Variants in CDH23 observed in about 807,000 individuals in gnomAD.
CDH23 encodes cadherin related 23.
Under a neutral mutation model 317.1 loss-of-function variants are expected in CDH23, and 189 were observed. The ratio of observed to expected loss-of-function variants is 0.60; its 90% confidence interval spans 0.53 to 0.67. CDH23 has a LOEUF of 0.67. Among genes scored for constraint, CDH23 ranks in the 30% least tolerant of loss-of-function variants. The probability of loss-of-function intolerance (pLI) is 0.00; values close to 1 mark genes in which losing one functional copy is unlikely to be tolerated. For synonymous variants in CDH23, 1,839 were observed against 1,876.8 expected, an observed-to-expected ratio of 0.98 and a Z score of 0.52; for missense variants, 4,401 against 4,592.4, an observed-to-expected ratio of 0.96 and a Z score of 1.20.
In CDH23 at chr10:71,789,060, C is replaced by A; in HGVS notation, c.5923+18C>A. ...TCCCGCTGGTAGGTGCTGGGCCCAC[C>A]CGGGAGCTCCTGCTGTTGCCAGGCA... On this transcript the variant is annotated intron_variant, in intron 45 of 69. Coordinates refer to ENST00000224721, the MANE Select transcript of CDH23 (RefSeq NM_022124.6). 2.4e-6 allele frequency: 3 copies of A among 1,242,924 alleles called. No individual in the cohort carries two copies. The highest frequency in any genetic ancestry group is 3.6e-6 in the Non-Finnish European group (3 of 842,142). The allele number at this position is 1,242,924 out of a possible 1,614,324, so 77.0% of individuals were successfully genotyped here.
chr10:71,741,751 A>G lies in CDH23; in HGVS notation c.4675A>G (p.Ile1559Val). The G allele has an allele frequency of 6.2e-7, 1 of 1,612,740 alleles. No individual in the cohort carries two copies. Among genetic ancestry groups the G allele is most frequent in the Admixed American group, 1.7e-5 (1 of 59,828 alleles). ...GAGAGCCACTGACCGTGACATCGGG[A>G]TCAACAGTGTTCTGTCCTACTACAT... ...QVRATDRDIG[I>V]NSVLSYYITE... Residue 1559 changes from isoleucine to valine, a missense_variant, in exon 38 of 70, where the codon ATC (isoleucine) becomes GTC (valine). Physicochemically the swap from Ile to Val is conservative, Grantham distance 29 (BLOSUM62 3). Transcript: ENST00000224721.
intron 28 of CDH23, among the ~76,000 whole-genome samples, chr10:71,720,472 C>A (rs1866506395): frequency 6.6e-6 from 1 of 152,024 alleles, no homozygotes; most frequent in Non-Finnish European, 1.5e-5. Context: ...AGCCTTCTTT[C>A]TCCCCAGAAG....
chr10:71,740,237 T>C (rs915770876), intron 36 of CDH23, among the ~76,000 whole-genome samples: 1 of 152,244 alleles, frequency 6.6e-6, no homozygotes, highest in African/African-American at 2.4e-5. Flanking sequence ...AGAATGGCCA[T>C]GGCTGGGATG....
intron 28 of CDH23, among the ~76,000 whole-genome samples, chr10:71,723,789 C>G (rs1866677521): frequency 6.6e-6 from 1 of 152,164 alleles, no homozygotes. Context: ...CCCAGCCTCC[C>G]TGCGAACCTG....
chr10:71,638,208 C>T (rs1358688603), intron 11 of CDH23, among the ~76,000 whole-genome samples: 1 of 152,188 alleles, frequency 6.6e-6, no homozygotes, highest in Admixed American at 6.5e-5. Flanking sequence ...TGTCTAAAGT[C>T]ACACAGCTAG....
chr10:71,702,780 G>A, intron 24 of CDH23, 86 bp downstream of exon 24: 1 of 1,496,754 alleles, frequency 6.7e-7, no homozygotes, highest in Non-Finnish European at 9.2e-7. Flanking sequence ...AACTTTGCAG[G>A]GCTGGGGCAG....
intron 24 of CDH23, among the ~76,000 whole-genome samples, chr10:71,703,876 C>T (rs1003961332): frequency 1.3e-5 from 2 of 152,184 alleles, no homozygotes; most frequent in Non-Finnish European, 2.9e-5. Flanking sequence ...TCACAACCAG[C>T]GAAGAAAGAT....
intron 3 of CDH23, among the ~76,000 whole-genome samples, chr10:71,461,310 C>A (rs986154861): frequency 6.6e-6 from 1 of 152,188 alleles, no homozygotes; most frequent in Non-Finnish European, 1.5e-5. Flanking sequence ...CCCTCGGAGT[C>A]CCCTGGGGAC....
intron 38 of CDH23, among the ~76,000 whole-genome samples, chr10:71,744,579 CT>C (rs1013800815): frequency 6.6e-6 from 1 of 152,234 alleles, no homozygotes; most frequent in African/African-American, 2.4e-5. Flanking sequence ...CATCCCACCC[CT>C]TGGGGAGCAT....
At chr10:71,530,913 C>T (rs1198997625) in intron 6 of CDH23, among the ~76,000 whole-genome samples, 2 of 152,198 alleles carry the variant, frequency 1.3e-5, no homozygotes, top group African/African-American at 2.4e-5. Context: ...TGTGACTGCC[C>T]TGGGTTACAC....
intron 9 of CDH23, among the ~76,000 whole-genome samples, chr10:71,592,707 G>T (rs184138214): frequency 2.6e-5 from 4 of 152,206 alleles, no homozygotes; most frequent in Admixed American, 1.3e-4. Flanking sequence ...AACTACATCT[G>T]CAAAGTCCCC....
chr10:71,425,475 A>T (rs1433789733), intron 1 of CDH23, among the ~76,000 whole-genome samples: 1 of 151,974 alleles, frequency 6.6e-6, no homozygotes. Flanking sequence ...ATTAGATCAC[A>T]TGGGAGGGAG....
chr10:71,650,613 C>T lies in CDH23; in HGVS notation c.1449+3996C>T, dbSNP rs189152047. Among the ~76,000 whole-genome samples, 502 of 152,272 alleles carry T rather than the reference C, an allele frequency of 3.3e-3. 5 individuals are homozygous for T. In the South Asian group the frequency reaches 0.034, roughly 10 times the overall value. ...ACGACTACATGCATTTGGGGATGTG[C>T]GTACACTATATGCACAAGTCTCATG... On this transcript the variant is annotated intron_variant, in intron 14 of 69. Transcript: ENST00000224721.
At chr10:71,678,340 C>T (rs1202045396) in intron 16 of CDH23, among the ~76,000 whole-genome samples, 7 of 152,138 alleles carry the variant, frequency 4.6e-5, no homozygotes, top group Admixed American at 1.3e-4. Flanking sequence ...GGCTTGCCCA[C>T]GAAGACATAG....
In CDH23 at chr10:71,807,957, T is replaced by G. The variant is rs1174493289; in HGVS notation, c.8672T>G (p.Phe2891Cys). ...VFYSILAIHY[F>C]RALANDSEDV... ...TACAGCATTCTGGCCATCCACTACT[T>G]CCGGGCCCTTGCCAACGACTCTGAA... The change falls in exon 60 of 70, where the codon TTC (phenylalanine) becomes TGC (cysteine). Residue 2891 changes from phenylalanine (F) to cysteine (C), a missense_variant. Transcript: ENST00000224721. 6 of 1,600,786 alleles carry G rather than the reference T, an allele frequency of 3.7e-6. No individual in the cohort carries two copies. Among genetic ancestry groups the G allele is most frequent in the Non-Finnish European group, 5.1e-6 (6 of 1,173,448 alleles).
At chr10:71,693,730 T>G (rs1208560899) in intron 20 of CDH23, among the ~76,000 whole-genome samples, 1 of 152,188 alleles carries the variant, frequency 6.6e-6, no homozygotes, top group African/African-American at 2.4e-5. Context: ...ATGAGGAAAC[T>G]GAGGCACAGA....
At chr10:71,447,101 G>A (rs1850207248) in intron 3 of CDH23, among the ~76,000 whole-genome samples, 1 of 152,180 alleles carries the variant, frequency 6.6e-6, no homozygotes. Flanking sequence ...TGTCACTTTA[G>A]GGAAAGTGCC....
chr10:71,801,138 GTC>G (rs200089490), intron 53 of CDH23, among the ~76,000 whole-genome samples: 1 of 137,118 alleles, frequency 7.3e-6, no homozygotes, highest in Non-Finnish European at 1.5e-5. Flanking sequence ...CTTTATTTAT[GTC>G]TCTCTCTCTC....
intron 65 of CDH23, 48 bp downstream of exon 65, chr10:71,811,801 G>C: frequency 1.3e-6 from 2 of 1,533,192 alleles, no homozygotes; most frequent in Non-Finnish European, 1.7e-6. Context: ...CAGTGGGCTG[G>C]GGACCTGGAG....
Sources: gnomAD v4.1 joint callset for allele counts (sites outside exome capture counted in the v4.1 genomes callset) on GRCh38, gnomAD v4.1.1 for gene constraint, MANE v1.5 for transcripts, NCBI Gene and HGNC (gene_info 2026-07-23, HGNC 2026-07-21) for gene names.